Variants in CREG2 observed in about 807,000 individuals in gnomAD.
The protein encoded by CREG2 is protein CREG2.
In CREG2, 24 loss-of-function variants were observed where a neutral mutation model predicts 26.2. The ratio of observed to expected loss-of-function variants is 0.92; its 90% confidence interval spans 0.66 to 1.29. The LOEUF is 1.29. CREG2 is among the 50% of genes most tolerant of loss of function. The pLI is 0.00. For synonymous variants in CREG2, 174 were observed against 169.2 expected (o/e 1.03, Z -0.22); for missense variants, 366 against 398.6 (o/e 0.92, Z 0.70).
At chr2:101,365,596 A>G (rs937955968) in intron 2 of CREG2, among the ~76,000 whole-genome samples, 1 of 152,160 alleles carries the variant, frequency 6.6e-6, no homozygotes, top group African/African-American at 2.4e-5. Context: ...TCTTGCTTTT[A>G]GTTTTTATTT....
At chr2:101,357,688 G>A (rs1431651965) in intron 2 of CREG2, among the ~76,000 whole-genome samples, 1 of 152,006 alleles carries the variant, frequency 6.6e-6, no homozygotes, top group African/African-American at 2.4e-5. Flanking sequence ...CATTTTGTTT[G>A]ATCTTCATGA....
chr2:101,382,396 A>T, intron 2 of CREG2: 1 of 738,442 alleles, frequency 1.4e-6, no homozygotes, highest in Non-Finnish European at 1.6e-6. Flanking sequence ...ACTGCACTCC[A>T]GTCTGGGAAA....
intron 2 of CREG2, among the ~76,000 whole-genome samples, chr2:101,358,784 C>A: frequency 5.1e-5 from 1 of 19,438 alleles, no homozygotes; most frequent in African/African-American, 7.7e-5. Flanking sequence ...GCCTGTAATC[C>A]CAGCACTTTG....
intron 2 of CREG2, among the ~76,000 whole-genome samples, chr2:101,356,504 C>T (rs1296428902): frequency 3.3e-5 from 5 of 152,114 alleles, no homozygotes; most frequent in African/African-American, 1.2e-4. Context: ...ATATTGTGCA[C>T]ATAAAAATTT....
chr2:101,375,933 G>A (rs1684782910), intron 2 of CREG2: 2 of 165,218 alleles, frequency 1.2e-5, no homozygotes, highest in African/African-American at 2.4e-5. Context: ...TCAAGGGGGT[G>A]GATCTCAGAA....
At chr2:101,365,013 T>C (rs536623469) in intron 2 of CREG2, among the ~76,000 whole-genome samples, 4 of 152,328 alleles carry the variant, frequency 2.6e-5, no homozygotes, top group Admixed American at 1.3e-4. Flanking sequence ...ATGGAAATTC[T>C]GGATGTGGTG....
intron 2 of CREG2, among the ~76,000 whole-genome samples, chr2:101,365,850 G>A (rs1684610237): frequency 6.6e-6 from 1 of 152,140 alleles, no homozygotes; most frequent in South Asian, 2.1e-4. Flanking sequence ...TATTGTGAAA[G>A]GTCAAGGAAG....
intron 2 of CREG2, among the ~76,000 whole-genome samples, chr2:101,375,190 C>T (rs141515212): frequency 7.2e-5 from 11 of 152,308 alleles, no homozygotes; most frequent in African/African-American, 2.2e-4. Context: ...AATATGCGCC[C>T]CTACAAGCAA....
At chr2:101,367,402 TCA>T (rs1684632961) in intron 2 of CREG2, among the ~76,000 whole-genome samples, 1 of 152,352 alleles carries the variant, frequency 6.6e-6, no homozygotes, top group Middle Eastern at 3.4e-3. Flanking sequence ...CAATTGAATC[TCA>T]CATGTGTTTG....
At chr2:101,353,046 G>C (rs1684406358) in intron 3 of CREG2, among the ~76,000 whole-genome samples, 1 of 152,244 alleles carries the variant, frequency 6.6e-6, no homozygotes, top group Admixed American at 6.5e-5. Flanking sequence ...GCTGTTGTCT[G>C]TAGTTAGGTA....
Position 101,348,694 on chromosome 2 carries a change from A to G in CREG2, c.*2229T>C, listed in dbSNP as rs1421394272. 1.3e-5 allele frequency: 2 copies of G among 152,008 alleles called. No individual in the cohort carries two copies. Among genetic ancestry groups the G allele is most frequent in the African/African-American group, 2.4e-5 (1 of 41,382 alleles). 9.4% of individuals were successfully genotyped at this position (152,008 alleles called of 1,614,324 possible). On this transcript the variant is annotated 3_prime_UTR_variant, in exon 4 of 4. Transcript: ENST00000324768. Reference sequence around the variant, plus strand: ...TCCAGAGTTTTTTTTTAAAAAAAATAGATTATTTGGAATTTCTATGTAGGC... The same window carrying G: ...TCCAGAGTTTTTTTTTAAAAAAAATGGATTATTTGGAATTTCTATGTAGGC...
At chr2:101,374,131 C>G (rs1684753074) in intron 2 of CREG2, among the ~76,000 whole-genome samples, 1 of 152,234 alleles carries the variant, frequency 6.6e-6, no homozygotes, top group Non-Finnish European at 1.5e-5. Flanking sequence ...TGGTGACACA[C>G]TTTGGGAGGC....
chr2:101,384,395 A>G (rs1177687285), intron 1 of CREG2, among the ~76,000 whole-genome samples: 3 of 152,204 alleles, frequency 2.0e-5, no homozygotes, highest in Non-Finnish European at 2.9e-5. Context: ...GGGTGGTGCC[A>G]TAGTTTGGAT....
chr2:101,385,774 G>A (rs1558823436), intron 1 of CREG2, among the ~76,000 whole-genome samples: 1 of 152,154 alleles, frequency 6.6e-6, no homozygotes, highest in African/African-American at 2.4e-5. Flanking sequence ...TGCATCCATG[G>A]CAGTACATTG....
chr2:101,386,103 C>A (rs191583349), intron 1 of CREG2, among the ~76,000 whole-genome samples: 129 of 152,224 alleles, frequency 8.5e-4, no homozygotes, highest in Admixed American at 2.3e-3. Context: ...AATAAAGTTG[C>A]CATTTAGGTA....
intron 2 of CREG2, chr2:101,382,691 C>T (rs1349701003): frequency 1.0e-5 from 10 of 985,246 alleles, no homozygotes; most frequent in Non-Finnish European, 1.1e-5. Context: ...TCTGTAAGAA[C>T]TAATACATTG....
At position 101,355,357 on chromosome 2, in the gene CREG2, G is replaced by C; in HGVS notation, c.621C>G (p.Ile207Met). ...CACATCGGGGATCTTCCGGATCAAC[G>C]ATGTTTTTTCTGCATGTGAAAAACA... ...ESEGEFCRKNIVDPEDPRCVQ... is the reference protein window; with the variant it reads ...ESEGEFCRKNMVDPEDPRCVQ... The change falls in exon 3 of 4, where the codon ATC becomes ATG. Residue 207 changes from isoleucine (I) to methionine (M), a missense_variant. Coordinates refer to ENST00000324768, the MANE Select transcript of CREG2 (RefSeq NM_153836.4). The C allele has an allele frequency of 1.9e-6, 3 of 1,612,060 alleles. No individual in the cohort carries two copies. Among genetic ancestry groups the C allele is most frequent in the Non-Finnish European group, 2.5e-6 (3 of 1,178,194 alleles).
At chr2:101,360,848 G>C (rs1225308150) in intron 2 of CREG2, among the ~76,000 whole-genome samples, 1 of 152,086 alleles carries the variant, frequency 6.6e-6, no homozygotes, top group African/African-American at 2.4e-5. Flanking sequence ...AAGAATGATG[G>C]AATGTAATCT....
intron 2 of CREG2, among the ~76,000 whole-genome samples, chr2:101,361,699 T>G (rs1264782484): frequency 6.6e-6 from 1 of 152,166 alleles, no homozygotes; most frequent in African/African-American, 2.4e-5. Context: ...GTGTGGTAAT[T>G]TTTTGCAGCA....
Sources: allele counts gnomAD v4.1 joint callset (sites outside exome capture counted in the v4.1 genomes callset), GRCh38; gene constraint gnomAD v4.1.1; transcripts MANE v1.5; gene names NCBI Gene and HGNC (gene_info 2026-07-23, HGNC 2026-07-21).